The following DCAF8L2 variants were observed in gnomAD, a reference collection of about 807,000 sequenced individuals.
DCAF8L2 encodes DDB1- and CUL4-associated factor 8-like protein 2.
For synonymous variants in DCAF8L2, 200 were observed against 190.9 expected, an observed-to-expected ratio of 1.05 and a Z score of -0.39; for missense variants, 430 against 490.7, an observed-to-expected ratio of 0.88 and a Z score of 1.17.
At chrX:27,672,488 C>T (rs752106900) in intron 2 of DCAF8L2, among the ~76,000 whole-genome samples, 25 of 112,071 alleles carry the variant, frequency 2.2e-4, no homozygotes, top group African/African-American at 8.1e-4. Context: ...ATTAGGTCTT[C>T]GACTTTCATT....
At chrX:27,514,167 CAT>C in the DCAF8L2 span, among the ~76,000 whole-genome samples, 1 of 105,401 alleles carries the variant, frequency 9.5e-6, no homozygotes, top group Non-Finnish European at 1.9e-5. Flanking sequence ...TGCATGCACA[CAT>C]ATGTACATGT....
intron 1 of DCAF8L2, among the ~76,000 whole-genome samples, chrX:27,599,671 C>T (rs1377789772): frequency 9.0e-6 from 1 of 110,993 alleles, no homozygotes; most frequent in Non-Finnish European, 1.9e-5. Context: ...TAGAATAGTA[C>T]ACACAATTAA....
the DCAF8L2 span, among the ~76,000 whole-genome samples, chrX:27,481,432 G>T: frequency 9.0e-6 from 1 of 110,892 alleles, no homozygotes; most frequent in Middle Eastern, 4.7e-3. Flanking sequence ...TTTATCATAA[G>T]AACAATAGGA....
chrX:27,485,977 C>T, the DCAF8L2 span, among the ~76,000 whole-genome samples: 1 of 88,676 alleles, frequency 1.1e-5, no homozygotes, highest in East Asian at 3.6e-4. Context: ...AAATCTAGAC[C>T]GTTATAATAA....
At chrX:27,493,475 C>T in the DCAF8L2 span, among the ~76,000 whole-genome samples, 1 of 110,241 alleles carries the variant, frequency 9.1e-6, no homozygotes, top group African/African-American at 3.3e-5. Flanking sequence ...CTTTGGGAGG[C>T]CGATACAGGT....
intron 1 of DCAF8L2, among the ~76,000 whole-genome samples, chrX:27,592,869 G>A (rs889246191): frequency 9.2e-6 from 1 of 108,549 alleles, no homozygotes; most frequent in African/African-American, 3.4e-5. Flanking sequence ...CACAGTCTTG[G>A]CTCACTGCAA....
At chrX:27,708,994 A>G (rs899364606) in intron 3 of DCAF8L2, among the ~76,000 whole-genome samples, 1 of 112,003 alleles carries the variant, frequency 8.9e-6, no homozygotes, top group African/African-American at 3.3e-5. Context: ...ATCTCGGCTC[A>G]CCACAACCTC....
At chrX:27,615,246 G>T (rs1039935847) in intron 1 of DCAF8L2, among the ~76,000 whole-genome samples, 4 of 111,486 alleles carry the variant, frequency 3.6e-5, no homozygotes, top group Non-Finnish European at 7.6e-5. Context: ...CAGTTTTTTT[G>T]AAAAAGACTT....
At chrX:27,704,179 TACACACAC>T (rs1555930604) in intron 3 of DCAF8L2, among the ~76,000 whole-genome samples, 7 of 85,485 alleles carry the variant, frequency 8.2e-5, no homozygotes, top group Middle Eastern at 0.013. Flanking sequence ...TATATACATA[TACACACAC>T]ACATATGTAT....
At chrX:27,527,202 A>G in the DCAF8L2 span, among the ~76,000 whole-genome samples, 24 of 111,545 alleles carry the variant, frequency 2.2e-4, no homozygotes, top group South Asian at 7.5e-4. Context: ...TGCTTTGTTT[A>G]CCTATTCAAG....
intron 2 of DCAF8L2, among the ~76,000 whole-genome samples, chrX:27,667,727 A>G (rs1250879566): frequency 9.2e-6 from 1 of 108,879 alleles, no homozygotes; most frequent in Non-Finnish European, 1.9e-5. Flanking sequence ...ATACTTAAAA[A>G]TAGAAAGCAA....
chrX:27,503,898 A>G, the DCAF8L2 span, among the ~76,000 whole-genome samples: 4 of 112,285 alleles, frequency 3.6e-5, no homozygotes, highest in African/African-American at 1.3e-4. Context: ...TATAAAAAAG[A>G]GAAAATGTAA....
intron 4 of DCAF8L2, among the ~76,000 whole-genome samples, chrX:27,744,234 C>G (rs982372071): frequency 4.5e-5 from 5 of 111,364 alleles, no homozygotes; most frequent in Non-Finnish European, 9.4e-5. Flanking sequence ...TCTGGAAGAC[C>G]TGTATCTGTT....
intron 1 of DCAF8L2, among the ~76,000 whole-genome samples, chrX:27,594,314 T>C (rs1926251517): frequency 8.9e-6 from 1 of 111,885 alleles, no homozygotes; most frequent in African/African-American, 3.2e-5. Context: ...TTCTGAGTTT[T>C]ATTTTGGCTA....
intron 1 of DCAF8L2, among the ~76,000 whole-genome samples, chrX:27,592,416 T>TG (rs1491498321): frequency 4.0e-5 from 2 of 50,253 alleles, no homozygotes; most frequent in East Asian, 2.9e-3. Flanking sequence ...TGTTTGTTTT[T>TG]GTTTTTTTTT....
intron 4 of DCAF8L2, among the ~76,000 whole-genome samples, chrX:27,745,364 CA>C (rs931255828): frequency 1.8e-5 from 2 of 111,890 alleles, no homozygotes; most frequent in Admixed American, 1.9e-4. Context: ...TATAGACTTG[CA>C]AAAAATTGAA....
chrX:27,515,077 T>C, the DCAF8L2 span, among the ~76,000 whole-genome samples: 2 of 112,184 alleles, frequency 1.8e-5, no homozygotes, highest in African/African-American at 6.5e-5. Flanking sequence ...ACAGATATGG[T>C]AATTTCCCTG....
chrX:27,524,272 C>G, the DCAF8L2 span, among the ~76,000 whole-genome samples: 1 of 111,665 alleles, frequency 9.0e-6, no homozygotes, highest in African/African-American at 3.3e-5. Flanking sequence ...GTGTATATGT[C>G]CAGGAATTTA....
At chrX:27,654,716 A>T (rs1362932109) in intron 2 of DCAF8L2, among the ~76,000 whole-genome samples, 1 of 111,720 alleles carries the variant, frequency 9.0e-6, no homozygotes, top group Admixed American at 9.5e-5. Context: ...AAAAAAATTT[A>T]AAATTGTTAA....
Sources: allele counts gnomAD v4.1 joint callset (sites outside exome capture counted in the v4.1 genomes callset), GRCh38; gene constraint gnomAD v4.1.1; transcripts MANE v1.5; gene names NCBI Gene and HGNC (gene_info 2026-07-23, HGNC 2026-07-21).